The following ACTR3C variants were observed in gnomAD, a reference collection of about 807,000 sequenced individuals.
ACTR3C encodes actin related protein 3C, also known as actin-related protein 3C.
A neutral mutation model predicts 26.3 loss-of-function variants in ACTR3C; 18 were observed. The ratio of observed to expected loss-of-function variants is 0.68; its 90% confidence interval spans 0.47 to 1.01. ACTR3C has a LOEUF of 1.01. ACTR3C is among the 50% of genes least tolerant of loss of function. The probability of loss-of-function intolerance (pLI) is 0.00; values close to 1 mark genes in which losing one functional copy is unlikely to be tolerated. For missense variants in ACTR3C, 184 were observed against 250.7 expected (o/e 0.73, Z 1.80); for synonymous variants, 55 against 94.5 (o/e 0.58, Z 2.42).
At chr7:150,314,102 G>T (rs1044964071) in intron 1 of ACTR3C, among the ~76,000 whole-genome samples, 17 of 152,208 alleles carry the variant, frequency 1.1e-4, no homozygotes, top group Non-Finnish European at 1.5e-5. Context: ...AAGCTGTGGT[G>T]GTAGGGGTGA....
chr7:149,908,466 A>G, the ACTR3C span, among the ~76,000 whole-genome samples: 1 of 152,064 alleles, frequency 6.6e-6, no homozygotes, highest in Non-Finnish European at 1.5e-5. Flanking sequence ...AATGTTCTCA[A>G]AGAATCTGGA....
chr7:150,258,813 T>A (rs1230362943), intron 6 of ACTR3C, among the ~76,000 whole-genome samples: 1 of 150,964 alleles, frequency 6.6e-6, no homozygotes, highest in South Asian at 2.1e-4. Flanking sequence ...ATTTAACTCA[T>A]CAATTTGGCT....
chr7:149,993,084 CTTCTGCCTGCTTTG>C, the ACTR3C span, among the ~76,000 whole-genome samples: 1 of 150,696 alleles, frequency 6.6e-6, no homozygotes, highest in Non-Finnish European at 1.5e-5. Context: ...ATCTTACCTT[CTTCTGCCTGCTTTG>C]TTCTGCCTGC....
At chr7:150,147,548 CCAT>C in the ACTR3C span, among the ~76,000 whole-genome samples, 1 of 152,150 alleles carries the variant, frequency 6.6e-6, no homozygotes, top group Non-Finnish European at 1.5e-5. Flanking sequence ...TCTCTTTCAT[CCAT>C]CCTCCTTATA....
At chr7:150,191,426 T>C in the ACTR3C span, among the ~76,000 whole-genome samples, 4 of 152,250 alleles carry the variant, frequency 2.6e-5, no homozygotes, top group African/African-American at 7.2e-5. Context: ...TACATACAGA[T>C]CCTGTAAATA....
the ACTR3C span, among the ~76,000 whole-genome samples, chr7:150,101,140 C>T: frequency 5.3e-5 from 8 of 151,574 alleles, no homozygotes; most frequent in African/African-American, 2.0e-4. Flanking sequence ...ACAGTGAGCA[C>T]TCGGCAAGTA....
At chr7:150,036,848 G>C in the ACTR3C span, among the ~76,000 whole-genome samples, 122 of 122,724 alleles carry the variant, frequency 9.9e-4, 24 homozygotes, top group Non-Finnish European at 1.8e-3. Flanking sequence ...GAGCAACGAT[G>C]GGGGGTCCTA....
At chr7:150,173,306 T>C in the ACTR3C span, among the ~76,000 whole-genome samples, 14,316 of 140,046 alleles carry the variant, frequency 0.1, 1,463 homozygotes, top group African/African-American at 0.24. Flanking sequence ...CTATTGTGCA[T>C]TTGCCGGCTC....
chr7:150,035,752 G>T, the ACTR3C span, among the ~76,000 whole-genome samples: 1 of 140,866 alleles, frequency 7.1e-6, no homozygotes, highest in African/African-American at 2.6e-5. Flanking sequence ...CGCCTCGCGG[G>T]GGGTGCGTCC....
the ACTR3C span, among the ~76,000 whole-genome samples, chr7:150,026,596 A>C: frequency 6.6e-6 from 1 of 152,052 alleles, no homozygotes; most frequent in African/African-American, 2.4e-5. Flanking sequence ...AATTAACCAA[A>C]TGATGTGAAG....
the ACTR3C span, among the ~76,000 whole-genome samples, chr7:149,922,864 T>C: frequency 6.6e-6 from 1 of 151,948 alleles, no homozygotes; most frequent in Non-Finnish European, 1.5e-5. Context: ...GTATAGTAAT[T>C]TATGGCTCTG....
At chr7:150,233,111 C>T in the ACTR3C span, among the ~76,000 whole-genome samples, 25 of 151,990 alleles carry the variant, frequency 1.6e-4, no homozygotes, top group East Asian at 1.9e-4. Context: ...CTTCCTTTTC[C>T]GTGAGGAACT....
chr7:150,020,460 T>C, the ACTR3C span, among the ~76,000 whole-genome samples: 4 of 152,186 alleles, frequency 2.6e-5, no homozygotes, highest in Non-Finnish European at 5.9e-5. Flanking sequence ...AGGTTACAGT[T>C]TACAAGGCAT....
At chr7:150,044,241 CCA>C in the ACTR3C span, among the ~76,000 whole-genome samples, 1 of 152,102 alleles carries the variant, frequency 6.6e-6, no homozygotes, top group Non-Finnish European at 1.5e-5. Flanking sequence ...TTAAAATTAG[CCA>C]CAGTTAATCC....
At chr7:150,297,337 C>T (rs552878510) in intron 1 of ACTR3C, among the ~76,000 whole-genome samples, 1 of 149,700 alleles carries the variant, frequency 6.7e-6, no homozygotes, top group Non-Finnish European at 1.5e-5. Context: ...TAAATATGCA[C>T]ATTATGTGTC....
chr7:150,135,735 C>T, the ACTR3C span, among the ~76,000 whole-genome samples: 11 of 147,416 alleles, frequency 7.5e-5, no homozygotes, highest in East Asian at 1.4e-3. Context: ...TATTAATAGG[C>T]TTGTCACGAT....
the ACTR3C span, among the ~76,000 whole-genome samples, chr7:150,146,502 T>G: frequency 1.3e-5 from 2 of 152,240 alleles, no homozygotes; most frequent in African/African-American, 2.4e-5. Context: ...AAAACACTGT[T>G]TTTTAATCCA....
chr7:150,051,214 G>T, the ACTR3C span, among the ~76,000 whole-genome samples: 3 of 151,952 alleles, frequency 2.0e-5, no homozygotes, highest in Admixed American at 6.6e-5. Context: ...GCAGTCGAGG[G>T]TGTGAGGACA....
the ACTR3C span, among the ~76,000 whole-genome samples, chr7:150,201,872 CT>C: frequency 2.0e-5 from 3 of 152,136 alleles, no homozygotes; most frequent in East Asian, 3.9e-4. Flanking sequence ...CAATTTGTCT[CT>C]TAAAATAAGA....
Sources: gnomAD v4.1 joint callset for allele counts (sites outside exome capture counted in the v4.1 genomes callset) on GRCh38, gnomAD v4.1.1 for gene constraint, MANE v1.5 for transcripts, NCBI Gene and HGNC (gene_info 2026-07-23, HGNC 2026-07-21) for gene names.